The following SNX14 variants were observed in gnomAD, a reference collection of about 807,000 sequenced individuals.
SNX14 encodes the protein sorting nexin-14.
SNX14 carries 93 observed loss-of-function variants against 133.8 expected under a neutral mutation model. That is an observed-to-expected ratio of 0.70 (90% CI 0.59 to 0.83). SNX14 has a LOEUF of 0.83. Among genes scored for constraint, SNX14 ranks in the 40% least tolerant of loss-of-function variants. SNX14 has a pLI of 0.00. For missense variants in SNX14, 945 were observed against 1,094.9 expected, an observed-to-expected ratio of 0.86 and a Z score of 1.93; for synonymous variants, 368 against 365.6, an observed-to-expected ratio of 1.01 and a Z score of -0.07.
chr6:85,514,707 C>CCATCTAAAAAAAAAAAAAA, intron 23 of SNX14, 78 bp from the exon 24 acceptor site: 1 of 1,430,546 alleles, frequency 7.0e-7, no homozygotes, highest in South Asian at 1.3e-5. Context: ...GATTAAGTGT[C>CCATCTAAAAAAAAAAAAAA]ACACAGCAAA....
In SNX14 at chr6:85,543,614, T is replaced by A; in HGVS notation, c.1255A>T (p.Ile419Phe). 8 of 1,574,832 alleles carry A rather than the reference T, an allele frequency of 5.1e-6. No individual in the cohort carries two copies. The highest frequency in any genetic ancestry group is 6.9e-6 in the Non-Finnish European group (8 of 1,158,642). The stretch of plus-strand genomic sequence containing the variant: ...ATCGTCTTTGACTTACTTCTTTGAA[T>A]CTCTTCTACAATGAAGGGATCAAAT... ...IRFDPFIVEEIQRIAEGPYID... is the reference protein window; with the variant it reads ...IRFDPFIVEEFQRIAEGPYID... The change falls in exon 13 of 29, where the codon ATT (isoleucine) becomes TTT (phenylalanine). Residue 419 changes from isoleucine (I) to phenylalanine (F), a missense_variant. Physicochemically the swap from Ile to Phe is conservative, Grantham distance 21. Transcript: ENST00000314673.
At chr6:85,549,142 A>T (rs563991822) in intron 8 of SNX14, among the ~76,000 whole-genome samples, 1 of 152,192 alleles carries the variant, frequency 6.6e-6, no homozygotes, top group African/African-American at 2.4e-5. Flanking sequence ...ATTTTTAAGA[A>T]CCACATAAAA....
intron 28 of SNX14, 101 bp from the exon 29 acceptor site, chr6:85,506,106 A>G: frequency 1.3e-6 from 1 of 770,250 alleles, no homozygotes; most frequent in Non-Finnish European, 2.2e-6. Flanking sequence ...TAAGACATAT[A>G]TATTGTAAAC....
chr6:85,586,276 G>A (rs1800833982), intron 1 of SNX14, among the ~76,000 whole-genome samples: 1 of 152,104 alleles, frequency 6.6e-6, no homozygotes, highest in Non-Finnish European at 1.5e-5. Context: ...TTTTTAAAGG[G>A]TTTTTTAGAA....
chr6:85,547,002 A>C (rs1562293698), intron 12 of SNX14, 110 bp downstream of exon 12: 1 of 746,298 alleles, frequency 1.3e-6, no homozygotes, highest in Non-Finnish European at 2.1e-6. Flanking sequence ...GAGTATATGA[A>C]ATTTAGTACA....
At position 85,547,146 on chromosome 6, in the gene SNX14, G is replaced by C. The variant is rs41271627; in HGVS notation, c.1074C>G (p.Gly358=). Residue 358 remains glycine, a synonymous_variant, in exon 12 of 29, where the codon GGC becomes GGG. Coordinates refer to ENST00000314673, the MANE Select transcript of SNX14 (RefSeq NM_153816.6). ...AACAAAACTGCAACACGTGCACTGCGCCTTCTTGTTTCAGAAAGTTCATAA... is the reference window on the plus strand; with the variant it reads ...AACAAAACTGCAACACGTGCACTGCCCCTTCTTGTTTCAGAAAGTTCATAA... The part of the protein sequence containing the change: ...FRFMNFLKQE[G]AVHVLQFCLT... 3.7e-6 allele frequency: 6 copies of C among 1,613,766 alleles called. No homozygotes were observed. Among genetic ancestry groups the C allele is most frequent in the Non-Finnish European group, 4.2e-6 (5 of 1,179,902 alleles).
chr6:85,506,643 G>A (rs1259290104), intron 28 of SNX14, among the ~76,000 whole-genome samples: 4 of 152,102 alleles, frequency 2.6e-5, no homozygotes, highest in Non-Finnish European at 5.9e-5. Flanking sequence ...TAAGTAAATA[G>A]CCCAAATCTG....
chr6:85,585,804 TTAAG>T (rs1040364304), intron 1 of SNX14, among the ~76,000 whole-genome samples: 12 of 151,948 alleles, frequency 7.9e-5, no homozygotes, highest in Admixed American at 5.9e-4. Context: ...TAACCCATAA[TTAAG>T]TAACTGATTC....
At chr6:85,579,917 T>C (rs1396014565) in intron 1 of SNX14, among the ~76,000 whole-genome samples, 1 of 152,140 alleles carries the variant, frequency 6.6e-6, no homozygotes, top group East Asian at 1.9e-4. Flanking sequence ...TGTGAACTAG[T>C]GAGACATCCT....
chr6:85,583,605 T>C (rs531320394), intron 1 of SNX14, among the ~76,000 whole-genome samples: 1 of 152,140 alleles, frequency 6.6e-6, no homozygotes, highest in African/African-American at 2.4e-5. Flanking sequence ...TATACACCAA[T>C]AACAGACTAA....
chr6:85,565,077 T>G (rs1312283664), intron 6 of SNX14, among the ~76,000 whole-genome samples: 2 of 149,204 alleles, frequency 1.3e-5, no homozygotes, highest in Admixed American at 6.9e-5. Context: ...AGGGTGAGTA[T>G]AGTCAAAAAT....
intron 17 of SNX14, among the ~76,000 whole-genome samples, chr6:85,534,300 A>C (rs1781166104): frequency 6.6e-6 from 1 of 152,210 alleles, no homozygotes; most frequent in Non-Finnish European, 1.5e-5. Context: ...AAGACATCCT[A>C]AATGTCCATC....
intron 6 of SNX14, among the ~76,000 whole-genome samples, chr6:85,562,182 A>G (rs1488684488): frequency 1.3e-5 from 2 of 152,124 alleles, no homozygotes; most frequent in African/African-American, 2.4e-5. Flanking sequence ...ATTCTTTTTT[A>G]TGGCTGCGTG....
chr6:85,531,397 G>A (rs1405927626), intron 18 of SNX14, among the ~76,000 whole-genome samples: 1 of 152,198 alleles, frequency 6.6e-6, no homozygotes, highest in South Asian at 2.1e-4. Context: ...AACTGTTATT[G>A]TTAACATCTA....
chr6:85,574,338 CA>C lies in SNX14; in HGVS notation c.180del (p.Gly61GlufsTer9). The stretch of plus-strand genomic sequence containing the variant: ...AGTGAGCAGTAGAATGTGACAACTC[CA>C]GCAACAAATGACCAGAAGATCATTA... ...HILMIFWSFV[A>X]GVVTFYCSLG... On this transcript the variant is annotated frameshift_variant, in exon 2 of 29. Coordinates refer to ENST00000314673, the MANE Select transcript of SNX14 (RefSeq NM_153816.6). LOFTEE classifies it high-confidence loss of function. 6.3e-7 allele frequency: 1 copy of C among 1,576,412 alleles called. No homozygotes were observed. The highest frequency in any genetic ancestry group is 8.7e-7 in the Non-Finnish European group (1 of 1,148,716).
chr6:85,590,022 A>T (rs1203065244), intron 1 of SNX14, among the ~76,000 whole-genome samples: 2 of 152,198 alleles, frequency 1.3e-5, no homozygotes, highest in Non-Finnish European at 2.9e-5. Context: ...TGTTGAACTC[A>T]TGGGGTTCTG....
chr6:85,590,574 C>G (rs1046514829), intron 1 of SNX14, among the ~76,000 whole-genome samples: 1 of 152,174 alleles, frequency 6.6e-6, no homozygotes, highest in Non-Finnish European at 1.5e-5. Flanking sequence ...TTCTCCGGTT[C>G]TCTTGACATT....
intron 17 of SNX14, among the ~76,000 whole-genome samples, chr6:85,536,206 AC>A (rs1781920495): frequency 6.6e-6 from 1 of 152,224 alleles, no homozygotes. Flanking sequence ...CTAGGTCAAT[AC>A]ACAAATGAAG....
chr6:85,532,534 T>TA (rs1410321277), intron 18 of SNX14, among the ~76,000 whole-genome samples: 5 of 152,178 alleles, frequency 3.3e-5, no homozygotes, highest in Non-Finnish European at 7.4e-5. Flanking sequence ...CACTACTACT[T>TA]AGTTATCCTC....
Sources: gnomAD v4.1 joint callset for allele counts (sites outside exome capture counted in the v4.1 genomes callset) on GRCh38, gnomAD v4.1.1 for gene constraint, MANE v1.5 for transcripts, NCBI Gene and HGNC (gene_info 2026-07-23, HGNC 2026-07-21) for gene names.